The following LRRC37A2 variants were observed in gnomAD, a reference collection of about 807,000 sequenced individuals.
The protein encoded by LRRC37A2 is leucine rich repeat containing 37 member A2.
Under a neutral mutation model 68.8 loss-of-function variants are expected in LRRC37A2, and 9 were observed. That is an observed-to-expected ratio of 0.13 (90% CI 0.08 to 0.23). The LOEUF (loss-of-function observed/expected upper bound fraction) is 0.23. LRRC37A2 is among the 10% of genes least tolerant of loss of function. The pLI is 1.00. For synonymous variants in LRRC37A2, 63 were observed against 367.6 expected (o/e 0.17, Z 9.48); for missense variants, 168 against 950.4 (o/e 0.18, Z 10.82).
At chr17:46,895,521 T>G in the LRRC37A2 span, among the ~76,000 whole-genome samples, 1 of 152,206 alleles carries the variant, frequency 6.6e-6, no homozygotes, top group Non-Finnish European at 1.5e-5. Flanking sequence ...CTTGACATGG[T>G]GCCTGGCCTG....
chr17:46,804,528 GA>G, the LRRC37A2 span, among the ~76,000 whole-genome samples: 1 of 152,230 alleles, frequency 6.6e-6, no homozygotes, highest in Non-Finnish European at 1.5e-5. Flanking sequence ...TCAGAGAGCT[GA>G]TGGCAGGCCC....
At chr17:46,994,422 G>C in the LRRC37A2 span, among the ~76,000 whole-genome samples, 3 of 151,722 alleles carry the variant, frequency 2.0e-5, no homozygotes, top group Admixed American at 6.6e-5. Context: ...GTTGGGAGTT[G>C]AAGAGTGGGG....
At chr17:46,941,854 A>C in the LRRC37A2 span, 1 of 852,112 alleles carries the variant, frequency 1.2e-6, no homozygotes, top group South Asian at 5.4e-5. Flanking sequence ...CCAAAGTTCT[A>C]GGGTTACAGG....
chr17:46,743,699 C>A, the LRRC37A2 span, among the ~76,000 whole-genome samples: 1 of 152,216 alleles, frequency 6.6e-6, no homozygotes, highest in Non-Finnish European at 1.5e-5. Flanking sequence ...CTCACTCTTA[C>A]AACTGGCCTG....
the LRRC37A2 span, among the ~76,000 whole-genome samples, chr17:46,805,615 A>G: frequency 2.0e-5 from 3 of 152,098 alleles, no homozygotes; most frequent in African/African-American, 7.2e-5. Flanking sequence ...TTAGCCACAT[A>G]TGGTGCTTGC....
the LRRC37A2 span, among the ~76,000 whole-genome samples, chr17:46,859,999 C>G: frequency 6.6e-6 from 1 of 151,804 alleles, no homozygotes; most frequent in Admixed American, 6.6e-5. Flanking sequence ...TGAATTGGGG[C>G]CTGAGAAAAA....
chr17:46,978,405 G>T, the LRRC37A2 span: 1 of 491,850 alleles, frequency 2.0e-6, no homozygotes, highest in East Asian at 3.7e-5. Flanking sequence ...AAAAAAACTG[G>T]TAAGAACCCT....
At chr17:46,791,733 T>C in the LRRC37A2 span, among the ~76,000 whole-genome samples, 2 of 152,220 alleles carry the variant, frequency 1.3e-5, no homozygotes, top group South Asian at 4.1e-4. Context: ...GAAACACACG[T>C]TGTGTAGAAA....
At chr17:46,609,198 GTGT>G in the LRRC37A2 span, among the ~76,000 whole-genome samples, 1 of 148,286 alleles carries the variant, frequency 6.7e-6, no homozygotes, top group African/African-American at 2.6e-5. Flanking sequence ...GTTACCCTGG[GTGT>G]GTTCACTTGT....
chr17:47,018,591 G>C, the LRRC37A2 span: 1 of 1,520,428 alleles, frequency 6.6e-7, no homozygotes, highest in East Asian at 2.3e-5. Flanking sequence ...AGAGTCATCG[G>C]AAGAAGCTGG....
the LRRC37A2 span, chr17:46,872,799 GAGGGCT>G: frequency 7.6e-7 from 1 of 1,314,016 alleles, no homozygotes; most frequent in Non-Finnish European, 1.1e-6. Context: ...AGGGGACGGG[GAGGGCT>G]GGGGGAAGAA....
At chr17:46,817,398 A>G in the LRRC37A2 span, among the ~76,000 whole-genome samples, 4 of 152,064 alleles carry the variant, frequency 2.6e-5, 1 homozygote, top group African/African-American at 9.7e-5. Context: ...AGGCTCTCCT[A>G]TGTCCAGGAG....
chr17:46,764,822 A>G, the LRRC37A2 span, among the ~76,000 whole-genome samples: 1 of 152,204 alleles, frequency 6.6e-6, no homozygotes, highest in Non-Finnish European at 1.5e-5. Context: ...TCACAGGAGC[A>G]GTAAGGCTTT....
intron 6 of LRRC37A2, among the ~76,000 whole-genome samples, chr17:46,534,390 G>A (rs1406839498): frequency 2.7e-5 from 4 of 146,552 alleles, no homozygotes; most frequent in Non-Finnish European, 6.0e-5. Context: ...TTAGGGAGTG[G>A]TGATGACTCT....
chr17:46,746,428 T>C, the LRRC37A2 span, among the ~76,000 whole-genome samples: 3 of 152,216 alleles, frequency 2.0e-5, no homozygotes, highest in Admixed American at 6.5e-5. Context: ...ATGTGTCTTA[T>C]TGACAGTAGT....
chr17:47,000,718 G>A, the LRRC37A2 span, among the ~76,000 whole-genome samples: 1 of 151,986 alleles, frequency 6.6e-6, no homozygotes, highest in African/African-American at 2.4e-5. Flanking sequence ...ATACAACTTT[G>A]ACCTGCTTTA....
chr17:46,490,907 ATACT>A, the LRRC37A2 span, among the ~76,000 whole-genome samples: 1 of 149,430 alleles, frequency 6.7e-6, no homozygotes, highest in African/African-American at 2.5e-5. Flanking sequence ...AAAAAAGTAC[ATACT>A]TTTTCTTTTT....
chr17:46,548,953 T>C (rs773115016), exon 10 of LRRC37A2: 1 of 1,612,410 alleles, frequency 6.2e-7, no homozygotes, highest in Non-Finnish European at 8.5e-7. Context: ...GAGAGACAGA[T>C]GGAAAGACTT....
the LRRC37A2 span, chr17:46,755,702 C>T: frequency 7.7e-7 from 1 of 1,298,292 alleles, no homozygotes; most frequent in Non-Finnish European, 1.1e-6. Context: ...TGTAGGATAA[C>T]CATTAAGAAG....
Sources: allele counts gnomAD v4.1 joint callset (sites outside exome capture counted in the v4.1 genomes callset), GRCh38; gene constraint gnomAD v4.1.1; transcripts MANE v1.5; gene names NCBI Gene and HGNC (gene_info 2026-07-23, HGNC 2026-07-21).